The following KCNQ1 variants were observed in gnomAD, a reference collection of about 807,000 sequenced individuals.
KCNQ1 encodes the protein potassium voltage-gated channel subfamily Q member 1.
In KCNQ1, 49 loss-of-function variants were observed where a neutral mutation model predicts 72.4. The ratio of observed to expected loss-of-function variants is 0.68; its 90% CI spans 0.54 to 0.86. The LOEUF (loss-of-function observed/expected upper bound fraction) is 0.86, where lower values mean the gene tolerates loss of function less well. KCNQ1 is among the 40% of genes least tolerant of loss of function. The pLI, the probability that KCNQ1 is intolerant of heterozygous loss-of-function variation, is 0.00. For missense variants in KCNQ1, 790 were observed against 945.1 expected (o/e 0.84, Z 2.15); for synonymous variants, 450 against 412.6 (o/e 1.09, Z -1.10).
In KCNQ1 at chr11:2,462,314, A is replaced by G. The variant is rs371856561; in HGVS notation, c.386+16830A>G. 0.011 allele frequency among the ~76,000 whole-genome samples: 1,724 copies of G among 151,982 alleles called. 21 individuals are homozygous for G. Among genetic ancestry groups the G allele is most frequent in the South Asian group, 0.029 (138 of 4,816 alleles). On this transcript the variant is annotated intron_variant, in intron 1 of 15. Coordinates refer to ENST00000155840, the MANE Select transcript of KCNQ1 (RefSeq NM_000218.3). The surrounding 1 kb of genome is among the most constrained non-coding windows in gnomAD (Gnocchi z 8.2). ...GAGGGCAGCGTCGCCATCAGAGGCG[A>G]TGTCTAGGGCCACCCCCTCTGACTT...
At position 2,703,981 on chromosome 11, in the gene KCNQ1, TG is replaced by T. The variant is rs1850864532; in HGVS notation, c.1514+41905del. On this transcript the variant is annotated intron_variant, in intron 11 of 15. Transcript: ENST00000155840. The surrounding 1 kb of genome is among the most constrained non-coding windows in gnomAD (Gnocchi z 6.4). The stretch of plus-strand genomic sequence containing the variant: ...AGGAGTGGACAGGAACGTGGGGGAG[TG>T]GGGGTGGTTAGGACCTCAGGGTTAT... Among the ~76,000 whole-genome samples, 1 of 151,302 alleles carries T rather than the reference TG, an allele frequency of 6.6e-6. No homozygotes were observed. The highest frequency in any genetic ancestry group is 2.4e-5 in the African/African-American group (1 of 41,078).
At chr11:2,688,065 G>C (rs1455432071) in intron 11 of KCNQ1, 1 of 398,834 alleles carries the variant, frequency 2.5e-6, no homozygotes, top group Non-Finnish European at 4.4e-6. Context: ...CCATGGAGTT[G>C]GTGCTTCTAG....
chr11:2,649,631 A>G (rs1369039499), intron 10 of KCNQ1: 3 of 398,444 alleles, frequency 7.5e-6, no homozygotes, highest in African/African-American at 4.1e-5. Flanking sequence ...ATGGCATTCA[A>G]TTCTTTCCTG....
intron 11 of KCNQ1, chr11:2,672,887 G>T: frequency 2.5e-6 from 1 of 398,734 alleles, no homozygotes; most frequent in Non-Finnish European, 4.4e-6. Flanking sequence ...ACTGTCAGGG[G>T]AGCAGTATGT....
At chr11:2,821,608 C>T (rs1465666814) in intron 15 of KCNQ1, among the ~76,000 whole-genome samples, 1 of 152,170 alleles carries the variant, frequency 6.6e-6, no homozygotes, top group Admixed American at 6.5e-5. Flanking sequence ...CTGGACTGTT[C>T]ACAGTGGCTT....
At position 2,762,244 on chromosome 11, in the gene KCNQ1, T is replaced by A. The variant is rs899670742; in HGVS notation, c.1515-6600T>A. Among the ~76,000 whole-genome samples, 19 of 152,226 alleles carry A rather than the reference T, an allele frequency of 1.2e-4. No individual in the cohort carries two copies. Among genetic ancestry groups the A allele is most frequent in the South Asian group, 2.1e-4 (1 of 4,830 alleles). On this transcript the variant is annotated intron_variant, in intron 11 of 15. Transcript: ENST00000155840. The surrounding 1 kb of genome is among the most constrained non-coding windows in gnomAD (Gnocchi z 4.3). ...GCCTCCAATTTGTCAAATAGTTTTC[T>A]GTTACAGTTCATACTGTTTGCGTTC...
rs910873586 is a variant in KCNQ1 at position 2,735,770 on chromosome 11, C to T, written c.1515-33074C>T. ...CTCTCTCCGTGGCTTGTAGACATCA[C>T]CTTCCCCGGTGTTCTCATGGGGCCA... On this transcript the variant is annotated intron_variant, in intron 11 of 15. Transcript: ENST00000155840. The surrounding 1 kb of genome is among the most constrained non-coding windows in gnomAD (Gnocchi z 7.7). Among the ~76,000 whole-genome samples the T allele has an allele frequency of 6.6e-6, 1 of 152,200 alleles. No individual in the cohort carries two copies. The highest frequency in any genetic ancestry group is 2.4e-5 in the African/African-American group (1 of 41,432).
chr11:2,490,639 T>G (rs1027903583), intron 1 of KCNQ1, among the ~76,000 whole-genome samples: 1 of 152,354 alleles, frequency 6.6e-6, no homozygotes, highest in South Asian at 2.1e-4. Flanking sequence ...TGCCTCGTAA[T>G]GCAGAGAATT....
At chr11:2,619,640 C>T (rs535150276) in intron 10 of KCNQ1, 2 of 396,804 alleles carry the variant, frequency 5.0e-6, no homozygotes, top group South Asian at 2.6e-4. Context: ...TCTTGTGATG[C>T]CTTTGGCTCA....
rs532451126 is a variant in KCNQ1 at position 2,635,500 on chromosome 11, G to A, written c.1394-26461G>A. 3.9e-5 allele frequency: 6 copies of A among 152,252 alleles called. No individual in the cohort carries two copies. In the East Asian group the frequency reaches 1.2e-3, roughly 29 times the overall value. 9.4% of individuals were successfully genotyped at this position (152,252 alleles called of 1,614,324 possible). The stretch of plus-strand genomic sequence containing the variant: ...AAAGATCAGATGATTGTAGATGTGT[G>A]GTATTATTTCTGAGGGCTCTGTTCT... On this transcript the variant is annotated intron_variant, in intron 10 of 15. Coordinates refer to ENST00000155840, the MANE Select transcript of KCNQ1 (RefSeq NM_000218.3).
At position 2,768,973 on chromosome 11, in the gene KCNQ1, C is replaced by A; in HGVS notation, c.1590+54C>A. 7.3e-7 allele frequency: 1 copy of A among 1,377,796 alleles called. No individual in the cohort carries two copies. Among genetic ancestry groups the A allele is most frequent in the Non-Finnish European group, 1.0e-6 (1 of 966,090 alleles). The allele number at this position is 1,377,796 out of a possible 1,614,324, so 85.3% of individuals were successfully genotyped here. ...TCAGCCTGCCCCTCGCAGCCTGATG[C>A]AGCTGCCCACACCTCTCCTGGGTTC... On this transcript the variant is annotated intron_variant, in intron 12 of 15. Coordinates refer to ENST00000155840, the MANE Select transcript of KCNQ1 (RefSeq NM_000218.3). This position sits in a 1 kb window ranked among gnomAD's most constrained non-coding sequence, Gnocchi z 6.7.
chr11:2,671,598 C>T lies in KCNQ1; in HGVS notation c.1514+9517C>T. The T allele has an allele frequency of 2.5e-6, 1 of 398,658 alleles. No homozygotes were observed. Among genetic ancestry groups the T allele is most frequent in the Non-Finnish European group, 4.4e-6 (1 of 226,074 alleles). The allele number at this position is 398,658 out of a possible 1,614,324, so 24.7% of individuals were successfully genotyped here. A position where few individuals can be genotyped will look rare whatever the true frequency, so the allele number is the denominator to read the frequency against. On this transcript the variant is annotated intron_variant, in intron 11 of 15. Coordinates refer to ENST00000155840, the MANE Select transcript of KCNQ1 (RefSeq NM_000218.3). The surrounding 1 kb of genome is among the most constrained non-coding windows in gnomAD (Gnocchi z 4.7). ...AGCATTTATACAAGATCAGACTGCA[C>T]TGCACCCTAAGTATAAACCTTGCCA...
At chr11:2,597,466 C>T (rs947640631) in intron 10 of KCNQ1, among the ~76,000 whole-genome samples, 27 of 152,190 alleles carry the variant, frequency 1.8e-4, no homozygotes, top group Non-Finnish European at 2.4e-4. Context: ...ATCATATCTC[C>T]GTTAAACAGC....
At chr11:2,649,496 G>T (rs1849725440) in intron 10 of KCNQ1, 1 of 398,428 alleles carries the variant, frequency 2.5e-6, no homozygotes, top group Non-Finnish European at 4.4e-6. Flanking sequence ...CTCAGTTTTT[G>T]CTTGTCTGAG....
chr11:2,570,719 GGCTGC>G lies in KCNQ1; in HGVS notation c.573_577del (p.Arg192CysfsTer91), dbSNP rs397508118. 34 of 1,612,148 alleles carry G rather than the reference GGCTGC, an allele frequency of 2.1e-5. No individual in the cohort carries two copies. The highest frequency in any genetic ancestry group is 2.6e-5 in the Non-Finnish European group (31 of 1,180,008). On this transcript the variant is annotated frameshift_variant, in exon 3 of 16. Transcript: ENST00000155840. LOFTEE classifies it high-confidence loss of function. Reference sequence around the variant, plus strand: ...AGCAAGTACGTGGGCCTCTGGGGGCGGCTGCGCTTTGCCCGGAAGCCCATTTCCAT... The same window carrying G: ...AGCAAGTACGTGGGCCTCTGGGGGCGGCTTTGCCCGGAAGCCCATTTCCAT...
In KCNQ1 at chr11:2,698,622, C is replaced by T; in HGVS notation, c.1514+36541C>T. On this transcript the variant is annotated intron_variant, in intron 11 of 15. Transcript: ENST00000155840. This position sits in a 1 kb window ranked among gnomAD's most constrained non-coding sequence, Gnocchi z 5.1. ...CGACTTCAATTCCTGACTCCCATAC[C>T]CCACTGAGACCTCTAACCCCAATCC... The T allele has an allele frequency of 2.5e-6, 1 of 398,568 alleles. No individual in the cohort carries two copies. The highest frequency in any genetic ancestry group is 4.4e-6 in the Non-Finnish European group (1 of 226,056). The allele number at this position is 398,568 out of a possible 1,614,324, so 24.7% of individuals were successfully genotyped here.
Position 2,631,406 on chromosome 11 carries a change from T to G in KCNQ1, c.1394-30555T>G, listed in dbSNP as rs564523981. On this transcript the variant is annotated intron_variant, in intron 10 of 15. Coordinates refer to ENST00000155840, the MANE Select transcript of KCNQ1 (RefSeq NM_000218.3). ...TCACTTTTCATTTCATGCACTATATTCTTCACCTCCAAAATGTTTGTTTTT... is the reference window on the plus strand; with the variant it reads ...TCACTTTTCATTTCATGCACTATATGCTTCACCTCCAAAATGTTTGTTTTT... The G allele has an allele frequency of 1.5e-5, 6 of 398,548 alleles. No individual in the cohort carries two copies. The East Asian group carries it at 2.1e-4, about 14-fold the overall frequency. 24.7% of individuals were successfully genotyped at this position (398,548 alleles called of 1,614,324 possible). A position where few individuals can be genotyped will look rare whatever the true frequency, so the allele number is the denominator to read the frequency against.
Position 2,612,891 on chromosome 11 carries a change from G to C in KCNQ1, c.1393+24037G>C, listed in dbSNP as rs929411893. The C allele has an allele frequency of 4.5e-5, 18 of 398,522 alleles. No homozygotes were observed. In the South Asian group the frequency reaches 1.7e-3, roughly 37 times the overall value. The allele number at this position is 398,522 out of a possible 1,614,324, so 24.7% of individuals were successfully genotyped here. A position where few individuals can be genotyped will look rare whatever the true frequency, so the allele number is the denominator to read the frequency against. ...TTCTCCCTAACCAGGGATGATTTCTGTTACTCATTTATTTGTTTGCTCGCT... is the reference window on the plus strand; with the variant it reads ...TTCTCCCTAACCAGGGATGATTTCTCTTACTCATTTATTTGTTTGCTCGCT... On this transcript the variant is annotated intron_variant, in intron 10 of 15. Coordinates refer to ENST00000155840, the MANE Select transcript of KCNQ1 (RefSeq NM_000218.3). The surrounding 1 kb of genome is among the most constrained non-coding windows in gnomAD (Gnocchi z 5.5).
In KCNQ1 at chr11:2,671,354, G is replaced by C; in HGVS notation, c.1514+9273G>C. The C allele has an allele frequency of 2.5e-6, 1 of 398,498 alleles. No individual in the cohort carries two copies. The highest frequency in any genetic ancestry group is 4.4e-5 in the Admixed American group (1 of 22,730). 24.7% of individuals were successfully genotyped at this position (398,498 alleles called of 1,614,324 possible). A position where few individuals can be genotyped will look rare whatever the true frequency, so the allele number is the denominator to read the frequency against. ...GAGGCTCCCTCTGAAGATGACACTG[G>C]GAATATCCTGAAAAAGGTACAGGAA... On this transcript the variant is annotated intron_variant, in intron 11 of 15. Coordinates refer to ENST00000155840, the MANE Select transcript of KCNQ1 (RefSeq NM_000218.3). This position sits in a 1 kb window ranked among gnomAD's most constrained non-coding sequence, Gnocchi z 4.7.
Sources: gnomAD v4.1 joint callset for allele counts (sites outside exome capture counted in the v4.1 genomes callset) on GRCh38, gnomAD v4.1.1 for gene constraint, Gnocchi (gnomAD v3.1) non-coding constraint, MANE v1.5 for transcripts, NCBI Gene and HGNC (gene_info 2026-07-23, HGNC 2026-07-21) for gene names.